The following DNAH1 variants were observed in gnomAD, a reference collection of about 807,000 sequenced individuals.
The protein encoded by DNAH1 is dynein axonemal heavy chain 1.
Under a neutral mutation model 484.3 loss-of-function variants are expected in DNAH1, and 327 were observed. The observed-to-expected ratio is 0.68, with a 90% CI of 0.62 to 0.74. The LOEUF (loss-of-function observed/expected upper bound fraction) is 0.74, where lower values mean the gene tolerates loss of function less well. Among genes scored for constraint, DNAH1 ranks in the 30% least tolerant of loss-of-function variants. The pLI is 0.00. For missense variants in DNAH1, 5,052 were observed against 5,546.8 expected, an observed-to-expected ratio of 0.91 and a Z score of 2.83; for synonymous variants, 2,192 against 2,191.9, an observed-to-expected ratio of 1.00 and a Z score of 0.00.
upstream of DNAH1, among the ~76,000 whole-genome samples, chr3:52,312,846 G>T (rs1027307866): frequency 6.6e-6 from 1 of 152,018 alleles, no homozygotes; most frequent in Non-Finnish European, 1.5e-5. Context: ...TAGAGACGGG[G>T]TTTTACTGTG....
intron 37 of DNAH1, 144 bp downstream of exon 37, chr3:52,369,062 GC>G: frequency 1.1e-6 from 1 of 928,540 alleles, no homozygotes; most frequent in Non-Finnish European, 1.6e-6. Flanking sequence ...CTCAGCAAGA[GC>G]CCTCCTGCTA....
chr3:52,310,937 T>G, the DNAH1 span, among the ~76,000 whole-genome samples: 1 of 151,994 alleles, frequency 6.6e-6, no homozygotes, highest in Non-Finnish European at 1.5e-5. Flanking sequence ...GGGAACAGGG[T>G]GGGTGGTGTT....
chr3:52,354,122 A>G (rs1210512248), intron 20 of DNAH1, among the ~76,000 whole-genome samples: 2 of 151,864 alleles, frequency 1.3e-5, no homozygotes, highest in Non-Finnish European at 2.9e-5. Flanking sequence ...TGATTATGCC[A>G]CTGCACTCCA....
chr3:52,399,960 C>T (rs567552884), intron 77 of DNAH1, among the ~76,000 whole-genome samples, 181 bp downstream of exon 77: 6 of 152,346 alleles, frequency 3.9e-5, no homozygotes, highest in African/African-American at 1.2e-4. Context: ...TGGGGAGCAC[C>T]CCTGAACTCC....
Position 52,372,377 on chromosome 3 carries a change from C to A in DNAH1, c.6817C>A (p.Leu2273Met), listed in dbSNP as rs1244747370. Residue 2273 changes from leucine to methionine, a missense_variant, in exon 43 of 78, where the codon CTG (leucine) becomes ATG (methionine). Around this residue, in one of 4 missense-constraint regions of DNAH1, gnomAD observed 2,929 missense variants for 3,409.4 expected, o/e 0.86. Coordinates refer to ENST00000420323, the MANE Select transcript of DNAH1 (RefSeq NM_015512.5). The part of the protein sequence containing the change: ...NQTQDFIDSK[L>M]DKRRKGVFGP... The stretch of plus-strand genomic sequence containing the variant: ...GACCCAGGACTTCATTGACAGCAAG[C>A]TGGACAAGAGGCAGGGCACCCCTCC... 7 of 1,613,808 alleles carry A rather than the reference C, an allele frequency of 4.3e-6. No individual in the cohort carries two copies. The highest frequency in any genetic ancestry group is 5.1e-6 in the Non-Finnish European group (6 of 1,179,892).
rs1704218002 is a variant in DNAH1, at chr3:52,388,588, G to A, written c.9342G>A (p.Gln3114=). 4.3e-6 allele frequency: 7 copies of A among 1,612,390 alleles called. No individual in the cohort carries two copies. Among genetic ancestry groups the A allele is most frequent in the Non-Finnish European group, 4.2e-6 (5 of 1,179,506 alleles). The change falls in exon 58 of 78, where the codon CAG becomes CAA. Residue 3114 remains glutamine, a synonymous_variant. Coordinates refer to ENST00000420323, the MANE Select transcript of DNAH1 (RefSeq NM_015512.5). ...AGCTGAAGTGTGAGCAGTGTGAGCA[G>A]CGGCTGGGCCGAGCTGGCAAGGTGC... ...ELELKCEQCE[Q]RLGRAGKLIN...
Position 52,358,222 on chromosome 3 carries a change from GCCCCCA to G in DNAH1, c.4086+220_4086+225del, listed in dbSNP as rs1702699943. Among the ~76,000 whole-genome samples, 1 of 152,214 alleles carries G rather than the reference GCCCCCA, an allele frequency of 6.6e-6. No homozygotes were observed. The highest frequency in any genetic ancestry group is 6.5e-5 in the Admixed American group (1 of 15,286). On this transcript the variant is annotated intron_variant, in intron 24 of 77. Transcript: ENST00000420323. This position sits in a 1 kb window ranked among gnomAD's most constrained non-coding sequence, Gnocchi z 4.2. The stretch of plus-strand genomic sequence containing the variant: ...TTCCAACTCACCAGGCGCTCCCTGT[GCCCCCA>G]GCACACTGCAAAACCCATGAGGCCA...
chr3:52,370,268 T>A (rs762597666), intron 39 of DNAH1, 39 bp downstream of exon 39: 1 of 1,603,160 alleles, frequency 6.2e-7, no homozygotes, highest in Admixed American at 1.7e-5. Flanking sequence ...ACCTGGTCCC[T>A]CTCCCCACAC....
rs767773541 is a variant in DNAH1, at chr3:52,345,588, T to G, written c.1538T>G (p.Leu513Arg). 7 of 1,603,956 alleles carry G rather than the reference T, an allele frequency of 4.4e-6. No individual in the cohort carries two copies. The South Asian group carries it at 7.8e-5, about 18-fold the overall frequency. ...LLTRPEVITALSKVRAECNKV... is the reference protein window; with the variant it reads ...LLTRPEVITARSKVRAECNKV... ...ACACGGCCAGAGGTCATCACGGCCC[T>G]CAGCAAGGTGAGGGCCGAGTGCAAC... is the stretch of plus-strand genomic sequence containing the variant. The change falls in exon 10 of 78, where the codon CTC becomes CGC. Residue 513 changes from leucine to arginine, a missense_variant. Physicochemically the swap from Leu to Arg is moderately radical, Grantham distance 102. Coordinates refer to ENST00000420323, the MANE Select transcript of DNAH1 (RefSeq NM_015512.5).
rs756646685 is a variant in DNAH1, at chr3:52,348,905, C to T, written c.2124C>T (p.Ile708=). The T allele has an allele frequency of 5.0e-6, 8 of 1,613,058 alleles. No individual in the cohort carries two copies. The South Asian group carries it at 8.8e-5, about 18-fold the overall frequency. Residue 708 remains isoleucine (I), a synonymous_variant, in exon 13 of 78, where the codon ATC becomes ATT. Transcript: ENST00000420323. ...PQLEKLVMED[I]FISGDPLLES... ...CTCTGCAGCTGGTGATGGAGGACAT[C>T]TTCATCAGCGGTGACCCCCTGCTGG...
rs1399793814 is a variant in DNAH1 at position 52,362,130 on chromosome 3, G to A, written c.4981-258G>A. ...CTTGGCTGGAGCTGGGGAATTGGGG[G>A]TGGAGCGAGTGGGAAGCAGGAGATG... On this transcript the variant is annotated intron_variant, in intron 30 of 77. Coordinates refer to ENST00000420323, the MANE Select transcript of DNAH1 (RefSeq NM_015512.5). The surrounding 1 kb of genome is among the most constrained non-coding windows in gnomAD (Gnocchi z 5.1). Among the ~76,000 whole-genome samples, 1 of 152,254 alleles carries A rather than the reference G, an allele frequency of 6.6e-6. No individual in the cohort carries two copies. The highest frequency in any genetic ancestry group is 1.5e-5 in the Non-Finnish European group (1 of 68,048).
At chr3:52,319,237 C>T (rs1435273514) in intron 1 of DNAH1, among the ~76,000 whole-genome samples, 1 of 152,234 alleles carries the variant, frequency 6.6e-6, no homozygotes, top group African/African-American at 2.4e-5. Context: ...TGCTTGGCTA[C>T]TGGTTGAGTC....
Position 52,370,542 on chromosome 3 carries a change from C to A in DNAH1, c.6324C>A (p.Ile2108=). 6.2e-7 allele frequency: 1 copy of A among 1,614,006 alleles called. No homozygotes were observed. Among genetic ancestry groups the A allele is most frequent in the Non-Finnish European group, 8.5e-7 (1 of 1,179,884 alleles). ...TAGAGTTGATCGAGCCCTGGTTCAT[C>A]TTCTCCCTGATCTGGAGCGTGGGTG... ...RIVELIEPWF[I]FSLIWSVGAT... is the part of the protein sequence containing the mutation. Residue 2108 remains isoleucine, a synonymous_variant, in exon 40 of 78, where the codon ATC becomes ATA. Coordinates refer to ENST00000420323, the MANE Select transcript of DNAH1 (RefSeq NM_015512.5).
At chr3:52,372,418 T>C (rs1022205600) in intron 43 of DNAH1, 31 bp downstream of exon 43, 2 of 1,609,348 alleles carry the variant, frequency 1.2e-6, no homozygotes, top group Admixed American at 3.3e-5. Flanking sequence ...TCCTCACCCC[T>C]GCATCCTCCC....
chr3:52,344,127 G>A (rs996713924), intron 8 of DNAH1, among the ~76,000 whole-genome samples: 6 of 152,242 alleles, frequency 3.9e-5, no homozygotes, highest in Non-Finnish European at 5.9e-5. Flanking sequence ...TGGGGCAGCA[G>A]GCGGGGGTGC....
intron 23 of DNAH1, 23 bp downstream of exon 23, chr3:52,357,758 C>T: frequency 1.3e-6 from 2 of 1,571,924 alleles, no homozygotes; most frequent in Non-Finnish European, 1.7e-6. Flanking sequence ...TGGCCATGCC[C>T]ACTCCGCCAC....
chr3:52,346,041 G>A (rs959896142), intron 10 of DNAH1, among the ~76,000 whole-genome samples: 7 of 152,190 alleles, frequency 4.6e-5, no homozygotes, highest in African/African-American at 1.7e-4. Context: ...GTTGACCTGT[G>A]GATTGGGGTA....
chr3:52,312,694 C>T (rs1700825989), upstream of DNAH1, among the ~76,000 whole-genome samples: 1 of 151,886 alleles, frequency 6.6e-6, no homozygotes, highest in Admixed American at 6.6e-5. Context: ...GTTCTGTCGC[C>T]CAGGCTGGAG....
chr3:52,344,592 G>A lies in DNAH1; in HGVS notation c.1389G>A (p.Glu463=). 1 of 1,613,976 alleles carries A rather than the reference G, an allele frequency of 6.2e-7. No homozygotes were observed. The highest frequency in any genetic ancestry group is 1.1e-5 in the South Asian group (1 of 91,084). The part of the protein sequence containing the change: ...NFDHVVSSKP[E]TFSYVTLPKK... ...ACCACGTTGTCTCTTCCAAGCCCGA[G>A]ACCTTCTCCTACGTCACCCTCCCCA... is the stretch of plus-strand genomic sequence containing the variant. The change falls in exon 9 of 78, where the codon GAG becomes GAA. Residue 463 remains glutamate (E), a synonymous_variant. Transcript: ENST00000420323.
Sources: allele counts gnomAD v4.1 joint callset (sites outside exome capture counted in the v4.1 genomes callset), GRCh38; gene constraint gnomAD v4.1.1; regional missense constraint gnomAD v4.1.1; non-coding constraint Gnocchi (gnomAD v3.1); transcripts MANE v1.5; gene names NCBI Gene and HGNC (gene_info 2026-07-23, HGNC 2026-07-21).